M1AP: variants seen among roughly 807,000 people sequenced by gnomAD.
The protein encoded by M1AP is meiosis 1 arrest protein.
M1AP carries 39 observed loss-of-function variants against 51.2 expected under a neutral mutation model. The ratio of observed to expected loss-of-function variants is 0.76; its 90% CI spans 0.59 to 1.00. The LOEUF (loss-of-function observed/expected upper bound fraction) is 1.00. M1AP is among the 50% of genes least tolerant of loss of function. M1AP has a pLI of 0.00. For missense variants in M1AP, 545 were observed against 641.2 expected, an observed-to-expected ratio of 0.85 and a Z score of 1.62; for synonymous variants, 251 against 249.2, an observed-to-expected ratio of 1.01 and a Z score of -0.07.
chr2:74,627,961 ATCC>A (rs1486771816), intron 2 of M1AP, among the ~76,000 whole-genome samples: 2 of 152,210 alleles, frequency 1.3e-5, no homozygotes, highest in African/African-American at 4.8e-5. Context: ...AACTAAGAAC[ATCC>A]TCCTATGTTC....
chr2:74,647,440 T>G (rs1439238842), intron 1 of M1AP: 1 of 979,212 alleles, frequency 1.0e-6, no homozygotes, highest in Non-Finnish European at 1.2e-6. Context: ...TCGTGGGCCC[T>G]AAGGCACTTT....
At chr2:74,584,753 A>T (rs1377773533) in intron 4 of M1AP, among the ~76,000 whole-genome samples, 13 of 149,312 alleles carry the variant, frequency 8.7e-5, no homozygotes, top group African/African-American at 2.9e-4. Context: ...AGAAGGCAGA[A>T]TGGCTTATTG....
At chr2:74,639,294 T>C (rs1683159715) in intron 2 of M1AP, among the ~76,000 whole-genome samples, 1 of 152,252 alleles carries the variant, frequency 6.6e-6, no homozygotes, top group African/African-American at 2.4e-5. Context: ...ATTTCCTCTT[T>C]TGGAAATCTT....
chr2:74,601,466 T>A (rs1680673193), intron 4 of M1AP, among the ~76,000 whole-genome samples: 1 of 152,138 alleles, frequency 6.6e-6, no homozygotes, highest in Admixed American at 6.5e-5. Flanking sequence ...ACAATGTTGA[T>A]GGTAGTTATC....
Position 74,636,783 on chromosome 2 carries a change from C to T in M1AP, c.240+3253G>A, listed in dbSNP as rs1198173514. Among the ~76,000 whole-genome samples, 3 of 152,024 alleles carry T rather than the reference C, an allele frequency of 2.0e-5. No individual in the cohort carries two copies. In the East Asian group the frequency reaches 5.8e-4, roughly 29 times the overall value. Reference sequence around the variant, plus strand: ...TATAATATAATTGTCTTAGGTATTTCCTCTACATATATCTCAAACTCCTGG... The same window carrying T: ...TATAATATAATTGTCTTAGGTATTTTCTCTACATATATCTCAAACTCCTGG... On this transcript the variant is annotated intron_variant, in intron 2 of 10. Transcript: ENST00000421985.
At chr2:74,647,426 G>T (rs1683674381) in intron 1 of M1AP, 1 of 984,570 alleles carries the variant, frequency 1.0e-6, no homozygotes, top group African/African-American at 1.7e-5. Context: ...CCCTATTAAA[G>T]ATTTCGTGGG....
chr2:74,589,074 G>A (rs143421278), intron 4 of M1AP, among the ~76,000 whole-genome samples: 72 of 152,344 alleles, frequency 4.7e-4, no homozygotes, highest in African/African-American at 1.5e-3. Context: ...GCACGCGCGC[G>A]CGTGCATGCA....
chr2:74,606,588 G>T (rs1447554352), intron 4 of M1AP, among the ~76,000 whole-genome samples: 1 of 151,590 alleles, frequency 6.6e-6, no homozygotes, highest in African/African-American at 2.4e-5. Context: ...TATTAAGAGA[G>T]TGTGTGTGTG....
intron 4 of M1AP, among the ~76,000 whole-genome samples, chr2:74,599,330 CCT>C (rs2104668248): frequency 6.6e-6 from 1 of 151,826 alleles, no homozygotes; most frequent in Non-Finnish European, 1.5e-5. Flanking sequence ...AATGCTTCTT[CCT>C]CTTCCCCAAC....
At chr2:74,558,956 T>C in intron 10 of M1AP, 82 bp from the exon 11 acceptor site, 1 of 1,345,526 alleles carries the variant, frequency 7.4e-7, no homozygotes, top group Non-Finnish European at 9.9e-7. Context: ...CTTCCTGTCC[T>C]AACTCTTTCC....
intron 2 of M1AP, among the ~76,000 whole-genome samples, chr2:74,629,752 A>AC (rs1255610163): frequency 1.6e-5 from 2 of 125,128 alleles, no homozygotes. Flanking sequence ...ATTCTGTCTC[A>AC]AAAAAAAAAA....
At position 74,595,363 on chromosome 2, in the gene M1AP, T is replaced by A. The variant is rs187724075; in HGVS notation, c.595+11692A>T. Among the ~76,000 whole-genome samples the A allele has an allele frequency of 2.6e-4, 40 of 152,208 alleles. 1 individual carries two copies. The East Asian group carries it at 7.7e-3, about 29-fold the overall frequency. On this transcript the variant is annotated intron_variant, in intron 4 of 10. Coordinates refer to ENST00000421985, the MANE Select transcript of M1AP (RefSeq NM_001321739.2). Reference sequence around the variant, plus strand: ...GTTTGCTTAAAGGCAAAAACAATTTTTTTTTTGAGACAGGGTCTCACTCTG... The same window carrying A: ...GTTTGCTTAAAGGCAAAAACAATTTATTTTTTGAGACAGGGTCTCACTCTG...
At chr2:74,627,577 C>T (rs363700) in intron 2 of M1AP, among the ~76,000 whole-genome samples, 12,274 of 151,916 alleles carry the variant, frequency 0.081, 1,391 homozygotes, top group African/African-American at 0.25. Context: ...GCTCAAGGTC[C>T]ACTGAAGAGC....
At chr2:74,574,043 C>A (rs1054837535) in intron 7 of M1AP, among the ~76,000 whole-genome samples, 5 of 152,132 alleles carry the variant, frequency 3.3e-5, no homozygotes, top group African/African-American at 1.2e-4. Flanking sequence ...GATGGGTGTT[C>A]TTCAGACAGG....
At chr2:74,597,139 A>T (rs532244698) in intron 4 of M1AP, among the ~76,000 whole-genome samples, 2 of 152,312 alleles carry the variant, frequency 1.3e-5, no homozygotes, top group South Asian at 2.1e-4. Context: ...GAAAGGAAAA[A>T]TTTTTTAAAT....
At chr2:74,639,577 T>C (rs1196528007) in intron 2 of M1AP, among the ~76,000 whole-genome samples, 1 of 152,208 alleles carries the variant, frequency 6.6e-6, no homozygotes, top group African/African-American at 2.4e-5. Flanking sequence ...AAAAAATATT[T>C]TCATGTTTTT....
intron 5 of M1AP, among the ~76,000 whole-genome samples, chr2:74,581,129 C>T (rs1403651991): frequency 6.6e-6 from 1 of 152,186 alleles, no homozygotes; most frequent in African/African-American, 2.4e-5. Context: ...ATTGATCTCT[C>T]GGTTTCAGTA....
chr2:74,558,954 C>T, intron 10 of M1AP, 80 bp from the exon 11 acceptor site: 1 of 1,360,694 alleles, frequency 7.3e-7, no homozygotes, highest in East Asian at 2.6e-5. Flanking sequence ...GGCTTCCTGT[C>T]CTAACTCTTT....
intron 4 of M1AP, among the ~76,000 whole-genome samples, chr2:74,583,696 G>A (rs1679545881): frequency 6.6e-6 from 1 of 152,212 alleles, no homozygotes; most frequent in Non-Finnish European, 1.5e-5. Context: ...ATAGACCCCA[G>A]GGAGAAGGCT....
Sources: gnomAD v4.1 joint callset for allele counts (sites outside exome capture counted in the v4.1 genomes callset) on GRCh38, gnomAD v4.1.1 for gene constraint, MANE v1.5 for transcripts, NCBI Gene and HGNC (gene_info 2026-07-23, HGNC 2026-07-21) for gene names.